CCDC149: variants seen among roughly 807,000 people sequenced by gnomAD.
The protein encoded by CCDC149 is coiled-coil domain-containing protein 149.
CCDC149 carries 45 observed loss-of-function variants against 59.9 expected under a neutral mutation model. The ratio of observed to expected loss-of-function variants is 0.75; its 90% CI spans 0.59 to 0.96. The LOEUF (loss-of-function observed/expected upper bound fraction) is 0.96, where lower values mean the gene tolerates loss of function less well. Ranked by LOEUF, CCDC149 falls within the 40% of genes least tolerant of loss-of-function variation. The pLI is 0.00. For missense variants in CCDC149, 584 were observed against 664.7 expected (o/e 0.88, Z 1.33); for synonymous variants, 245 against 260.6 (o/e 0.94, Z 0.58).
At chr4:24,821,284 C>A (rs1715374298) in intron 10 of CCDC149, among the ~76,000 whole-genome samples, 197 bp from the exon 11 acceptor site, 2 of 151,970 alleles carry the variant, frequency 1.3e-5, no homozygotes, top group South Asian at 2.1e-4. Flanking sequence ...AAAATAAAAA[C>A]CCCCGTTCAT....
At chr4:24,956,434 G>A (rs541533070) in intron 1 of CCDC149, among the ~76,000 whole-genome samples, 12 of 152,146 alleles carry the variant, frequency 7.9e-5, no homozygotes, top group Admixed American at 4.6e-4. Context: ...CCATTCCTGC[G>A]AGAGCTAAAC....
intron 1 of CCDC149, among the ~76,000 whole-genome samples, chr4:24,884,355 A>C (rs543028983): frequency 4.8e-4 from 73 of 152,368 alleles, no homozygotes; most frequent in African/African-American, 1.6e-3. Context: ...CATACCATGT[A>C]GCCTCGGGAT....
chr4:24,910,294 T>C (rs1482107242), intron 1 of CCDC149, among the ~76,000 whole-genome samples: 1 of 152,174 alleles, frequency 6.6e-6, no homozygotes, highest in Non-Finnish European at 1.5e-5. Flanking sequence ...CTTTCTCTTC[T>C]AAGGTATCAG....
chr4:24,827,894 T>C (rs1193011451), intron 9 of CCDC149: 1 of 152,196 alleles, frequency 6.6e-6, no homozygotes, highest in Non-Finnish European at 1.5e-5. Context: ...TTAAAATTAA[T>C]TAATTATTAT....
At chr4:24,812,058 T>C (rs1050486282) in intron 12 of CCDC149, among the ~76,000 whole-genome samples, 2 of 152,136 alleles carry the variant, frequency 1.3e-5, no homozygotes, top group Non-Finnish European at 2.9e-5. Flanking sequence ...GTGTGCACAA[T>C]CTCTCTCTTG....
At chr4:24,917,669 G>A (rs759063402), upstream of CCDC149, among the ~76,000 whole-genome samples, 16 of 152,126 alleles carry the variant, frequency 1.1e-4, no homozygotes, top group Non-Finnish European at 2.1e-4. Flanking sequence ...TCGGTGGGGT[G>A]GGGAGAAACC....
At chr4:24,874,252 T>TTTTTTG (rs1560230444) in intron 2 of CCDC149, among the ~76,000 whole-genome samples, 11 of 70,118 alleles carry the variant, frequency 1.6e-4, no homozygotes, top group East Asian at 7.9e-4. Flanking sequence ...TTGTTTTTTT[T>TTTTTTG]TTTTTTTGTT....
intron 1 of CCDC149, among the ~76,000 whole-genome samples, chr4:24,954,543 G>A (rs1723407801): frequency 6.6e-6 from 1 of 152,218 alleles, no homozygotes; most frequent in South Asian, 2.1e-4. Flanking sequence ...TGCCACCAAA[G>A]TTCACCACTT....
intron 1 of CCDC149, among the ~76,000 whole-genome samples, chr4:24,892,098 T>C (rs1461190722): frequency 1.3e-5 from 2 of 152,196 alleles, no homozygotes; most frequent in African/African-American, 4.8e-5. Context: ...AGGCTGACCA[T>C]TCCAAAAGGA....
In CCDC149 at chr4:24,912,466, A is replaced by G. The variant is rs559650607; in HGVS notation, c.63+351T>C. 5.9e-5 allele frequency among the ~76,000 whole-genome samples: 9 copies of G among 152,100 alleles called. No homozygotes were observed. In the South Asian group the frequency reaches 6.2e-4, roughly 11 times the overall value. On this transcript the variant is annotated intron_variant, in intron 1 of 12. Transcript: ENST00000635206. ...TTCCCGTTTCAGTCCCAGGCGTCCA[A>G]TTGTTTGGCTCCACAACAGTGGCGA...
At chr4:24,888,004 C>T (rs963951222) in intron 1 of CCDC149, among the ~76,000 whole-genome samples, 2 of 152,136 alleles carry the variant, frequency 1.3e-5, no homozygotes, top group Non-Finnish European at 2.9e-5. Flanking sequence ...GCACCCTGCT[C>T]CTGAGTCCCT....
intron 12 of CCDC149, among the ~76,000 whole-genome samples, chr4:24,812,044 CTG>C (rs1714645578): frequency 6.6e-6 from 1 of 152,110 alleles, no homozygotes; most frequent in South Asian, 2.1e-4. Flanking sequence ...GCCTTTTTTT[CTG>C]TGTGTGCACA....
intron 1 of CCDC149, among the ~76,000 whole-genome samples, chr4:24,902,090 G>T (rs1227532682): frequency 1.3e-5 from 2 of 152,208 alleles, no homozygotes; most frequent in African/African-American, 4.8e-5. Flanking sequence ...GGAGAGACAG[G>T]TAAGTCAAGG....
At chr4:24,848,852 A>C (rs1717482432) in intron 4 of CCDC149, among the ~76,000 whole-genome samples, 1 of 152,176 alleles carries the variant, frequency 6.6e-6, no homozygotes, top group Non-Finnish European at 1.5e-5. Flanking sequence ...CACAGTGCAT[A>C]AGTGCTCAGT....
chr4:24,821,625 G>A (rs943379682), intron 10 of CCDC149, among the ~76,000 whole-genome samples: 8 of 152,138 alleles, frequency 5.3e-5, no homozygotes, highest in South Asian at 2.1e-4. Context: ...TTTACTTATC[G>A]TCCATTCCAG....
chr4:24,895,042 C>A (rs970712918), intron 1 of CCDC149: 1 of 1,529,764 alleles, frequency 6.5e-7, no homozygotes, highest in African/African-American at 1.4e-5. Flanking sequence ...ATGACGACGA[C>A]GATGACGACC....
At position 24,806,745 on chromosome 4, in the gene CCDC149, C is replaced by G. The variant is rs1714203627; in HGVS notation, c.*1644G>C. Reference sequence around the variant, plus strand: ...CAGAAGGAAGGATGGAATACTGGACCTGGTGGCCAGGGGTCAATGGGATGT... The same window carrying G: ...CAGAAGGAAGGATGGAATACTGGACGTGGTGGCCAGGGGTCAATGGGATGT... On this transcript the variant is annotated 3_prime_UTR_variant, in exon 13 of 13. Transcript: ENST00000635206. 1 of 153,276 alleles carries G rather than the reference C, an allele frequency of 6.5e-6. No homozygotes were observed. Among genetic ancestry groups the G allele is most frequent in the Non-Finnish European group, 1.5e-5 (1 of 68,092 alleles). The allele number at this position is 153,276 out of a possible 1,614,324, so 9.5% of individuals were successfully genotyped here. A position where few individuals can be genotyped will look rare whatever the true frequency, so the allele number is the denominator to read the frequency against.
At chr4:24,902,355 C>T (rs117168403) in intron 1 of CCDC149, among the ~76,000 whole-genome samples, 13 of 152,268 alleles carry the variant, frequency 8.5e-5, no homozygotes, top group East Asian at 3.9e-4. Flanking sequence ...AATTTGTACT[C>T]CAGTTAAAAA....
At chr4:24,926,526 A>T (rs1256119267) in intron 1 of CCDC149, among the ~76,000 whole-genome samples, 2 of 152,150 alleles carry the variant, frequency 1.3e-5, no homozygotes, top group African/African-American at 4.8e-5. Context: ...TCCCAGTGCT[A>T]ATACTACATG....
Sources: allele counts gnomAD v4.1 joint callset (sites outside exome capture counted in the v4.1 genomes callset), GRCh38; gene constraint gnomAD v4.1.1; transcripts MANE v1.5; gene names NCBI Gene and HGNC (gene_info 2026-07-23, HGNC 2026-07-21).